TUBA8: variants seen among roughly 807,000 people sequenced by gnomAD.
The protein encoded by TUBA8 is tubulin alpha-8 chain.
A neutral mutation model predicts 34.7 loss-of-function variants in TUBA8; 29 were observed. The ratio of observed to expected loss-of-function variants is 0.84; its 90% confidence interval spans 0.62 to 1.14. TUBA8 has a LOEUF of 1.14. Ranked by LOEUF, TUBA8 falls within the 50% of genes most tolerant of loss-of-function variation. The pLI is 0.00. For synonymous variants in TUBA8, 226 were observed against 231.2 expected, an observed-to-expected ratio of 0.98 and a Z score of 0.21; for missense variants, 541 against 599.2, an observed-to-expected ratio of 0.90 and a Z score of 1.01.
Position 18,130,989 on chromosome 22 carries a change from G to A in TUBA8, c.1203G>A (p.Lys401=), listed in dbSNP as rs766975244. 6.2e-7 allele frequency: 1 copy of A among 1,614,094 alleles called. No homozygotes were observed. The highest frequency in any genetic ancestry group is 1.3e-5 in the African/African-American group (1 of 74,936). ...ACAAGTTCGACCTCATGTACGCCAA[G>A]CGGGCCTTTGTGCATTGGTATGTGG... ...LDHKFDLMYA[K]RAFVHWYVGE... Residue 401 remains lysine (K), a synonymous_variant, in exon 5 of 5, where the codon AAG becomes AAA. Coordinates refer to ENST00000330423, the MANE Select transcript of TUBA8 (RefSeq NM_018943.3).
Position 18,130,932 on chromosome 22 carries a change from G to C in TUBA8, c.1146G>C (p.Thr382=), listed in dbSNP as rs1466255305. The change falls in exon 5 of 5, where the codon ACG becomes ACC. Residue 382 remains threonine (T), a synonymous_variant. Coordinates refer to ENST00000330423, the MANE Select transcript of TUBA8 (RefSeq NM_018943.3). The part of the protein sequence containing the change: ...QRAVCMLSNT[T]AIAEAWARLD... The stretch of plus-strand genomic sequence containing the variant: ...CCGTCTGCATGCTCAGCAACACCAC[G>C]GCCATTGCGGAGGCCTGGGCCCGCC... 1 of 1,614,168 alleles carries C rather than the reference G, an allele frequency of 6.2e-7. No homozygotes were observed. The highest frequency in any genetic ancestry group is 8.5e-7 in the Non-Finnish European group (1 of 1,180,034).
In TUBA8 at chr22:18,131,219, C is replaced by T. The variant is rs1426557822; in HGVS notation, c.*83C>T. On this transcript the variant is annotated 3_prime_UTR_variant, in exon 5 of 5. Transcript: ENST00000330423. This position sits in a 1 kb window ranked among gnomAD's most constrained non-coding sequence, Gnocchi z 5.3. ...TGTTCAAGAGAACAGAACACTCTCC[C>T]CGCCCCAGCCTGATTCCTGCCTTAC... 2.7e-6 allele frequency: 4 copies of T among 1,462,764 alleles called. No homozygotes were observed. 90.6% of individuals were successfully genotyped at this position (1,462,764 alleles called of 1,614,324 possible). A position where few individuals can be genotyped will look rare whatever the true frequency, so the allele number is the denominator to read the frequency against.
intron 2 of TUBA8, chr22:18,122,067 G>A (rs948694013): frequency 2.0e-5 from 5 of 251,476 alleles, no homozygotes; most frequent in South Asian, 5.6e-5. Flanking sequence ...GTCTGCCCTC[G>A]GGGTGGGTAT....
At chr22:18,116,525 G>A (rs932050923) in intron 1 of TUBA8, 2 of 152,340 alleles carry the variant, frequency 1.3e-5, no homozygotes, top group Non-Finnish European at 2.9e-5. Flanking sequence ...AATCATATTA[G>A]GTGATCCATG....
chr22:18,112,131 C>T (rs1927831921), intron 1 of TUBA8: 1 of 152,194 alleles, frequency 6.6e-6, no homozygotes, highest in African/African-American at 2.4e-5. Context: ...AGCTGTGTGA[C>T]TTCAGGAAGG....
In TUBA8 at chr22:18,131,234, T is replaced by C; in HGVS notation, c.*98T>C. 1.4e-6 allele frequency: 2 copies of C among 1,385,070 alleles called. No individual in the cohort carries two copies. Among genetic ancestry groups the C allele is most frequent in the Middle Eastern group, 2.5e-4 (1 of 4,036 alleles). 85.8% of individuals were successfully genotyped at this position (1,385,070 alleles called of 1,614,324 possible). Reference sequence around the variant, plus strand: ...AACACTCTCCCCGCCCCAGCCTGATTCCTGCCTTACCCAGGAGGAGGGTGC... The same window carrying C: ...AACACTCTCCCCGCCCCAGCCTGATCCCTGCCTTACCCAGGAGGAGGGTGC... On this transcript the variant is annotated 3_prime_UTR_variant, in exon 5 of 5. Coordinates refer to ENST00000330423, the MANE Select transcript of TUBA8 (RefSeq NM_018943.3). The surrounding 1 kb of genome is among the most constrained non-coding windows in gnomAD (Gnocchi z 5.3).
Position 18,111,177 on chromosome 22 carries a change from C to G in TUBA8, c.3+309C>G. The G allele has an allele frequency of 1.8e-6, 1 of 545,618 alleles. No individual in the cohort carries two copies. The highest frequency in any genetic ancestry group is 3.3e-6 in the Non-Finnish European group (1 of 305,576). The allele number at this position is 545,618 out of a possible 1,614,324, so 33.8% of individuals were successfully genotyped here. On this transcript the variant is annotated intron_variant, in intron 1 of 4. Coordinates refer to ENST00000330423, the MANE Select transcript of TUBA8 (RefSeq NM_018943.3). The surrounding 1 kb of genome is among the most constrained non-coding windows in gnomAD (Gnocchi z 5.1). The stretch of plus-strand genomic sequence containing the variant: ...AGAAGGGGGCGAGATTCTGGGGTCC[C>G]CAGATGGGCAGCCTGTGGACAGAGT...
At chr22:18,122,418 C>A (rs1199777054) in intron 2 of TUBA8, 1 of 152,458 alleles carries the variant, frequency 6.6e-6, no homozygotes, top group Non-Finnish European at 1.5e-5. Flanking sequence ...TGCTCCACCC[C>A]CTGGATGCTT....
Position 18,124,423 on chromosome 22 carries a change from A to C in TUBA8, c.375+119A>C. The C allele has an allele frequency of 8.1e-7, 1 of 1,238,430 alleles. No homozygotes were observed. Among genetic ancestry groups the C allele is most frequent in the Non-Finnish European group, 1.1e-6 (1 of 910,724 alleles). The allele number at this position is 1,238,430 out of a possible 1,614,324, so 76.7% of individuals were successfully genotyped here. A position where few individuals can be genotyped will look rare whatever the true frequency, so the allele number is the denominator to read the frequency against. On this transcript the variant is annotated intron_variant, in intron 3 of 4. Coordinates refer to ENST00000330423, the MANE Select transcript of TUBA8 (RefSeq NM_018943.3). This position sits in a 1 kb window ranked among gnomAD's most constrained non-coding sequence, Gnocchi z 4.3. ...CCCCTGGCTATAGGATGGAGCTCCT[A>C]AGGTTTGGGAATTTCTGCTTAAATT... is the stretch of plus-strand genomic sequence containing the variant.
At position 18,131,206 on chromosome 22, in the gene TUBA8, C is replaced by G; in HGVS notation, c.*70C>G. 1 of 1,521,972 alleles carries G rather than the reference C, an allele frequency of 6.6e-7. No individual in the cohort carries two copies. Among genetic ancestry groups the G allele is most frequent in the Non-Finnish European group, 9.1e-7 (1 of 1,101,284 alleles). The allele number at this position is 1,521,972 out of a possible 1,614,324, so 94.3% of individuals were successfully genotyped here. A position where few individuals can be genotyped will look rare whatever the true frequency, so the allele number is the denominator to read the frequency against. ...CATTCAAAGCACATGTTCAAGAGAA[C>G]AGAACACTCTCCCCGCCCCAGCCTG... is the stretch of plus-strand genomic sequence containing the variant. On this transcript the variant is annotated 3_prime_UTR_variant, in exon 5 of 5. Coordinates refer to ENST00000330423, the MANE Select transcript of TUBA8 (RefSeq NM_018943.3). The surrounding 1 kb of genome is among the most constrained non-coding windows in gnomAD (Gnocchi z 5.3).
At chr22:18,117,351 C>T (rs568235014) in intron 1 of TUBA8, 8 of 152,444 alleles carry the variant, frequency 5.2e-5, no homozygotes, top group African/African-American at 1.9e-4. Context: ...GTTTATTTGT[C>T]CCCCAAATAT....
rs748797090 is a variant in TUBA8 at position 18,126,768 on chromosome 22, C to G, written c.790C>G (p.Arg264Gly). 6.2e-7 allele frequency: 1 copy of G among 1,614,134 alleles called. No individual in the cohort carries two copies. Among genetic ancestry groups the G allele is most frequent in the Admixed American group, 1.7e-5 (1 of 60,014 alleles). ...EFQTNLVPYPRIHFPLVTYAP... is the reference protein window; with the variant it reads ...EFQTNLVPYPGIHFPLVTYAP... Reference sequence around the variant, plus strand: ...CCAGACCAACCTGGTGCCCTACCCCCGCATCCACTTCCCGCTGGTCACCTA... The same window carrying G: ...CCAGACCAACCTGGTGCCCTACCCCGGCATCCACTTCCCGCTGGTCACCTA... The change falls in exon 4 of 5, where the codon CGC (arginine) becomes GGC (glycine). Residue 264 changes from arginine to glycine, a missense_variant. By Grantham distance (125) the Arg-to-Gly change is moderately radical. Transcript: ENST00000330423. This position sits in a 1 kb window ranked among gnomAD's most constrained non-coding sequence, Gnocchi z 4.0.
chr22:18,113,570 C>T (rs1013501819), intron 1 of TUBA8: 3 of 152,196 alleles, frequency 2.0e-5, no homozygotes, highest in Non-Finnish European at 2.9e-5. Flanking sequence ...CGAAGGAGCC[C>T]GTCTCCCTGC....
intron 1 of TUBA8, chr22:18,113,370 A>G (rs1927868730): frequency 6.6e-6 from 1 of 152,230 alleles, no homozygotes; most frequent in Admixed American, 6.5e-5. Context: ...GTGTTCTAGC[A>G]CGCAGCTCTC....
Position 18,130,955 on chromosome 22 carries a change from G to A in TUBA8, c.1169G>A (p.Arg390His), listed in dbSNP as rs367845500. 1.4e-5 allele frequency: 23 copies of A among 1,614,102 alleles called. No homozygotes were observed. Among genetic ancestry groups the A allele is most frequent in the African/African-American group, 2.7e-5 (2 of 75,024 alleles). ...ACGGCCATTGCGGAGGCCTGGGCCC[G>A]CCTCGACCACAAGTTCGACCTCATG... is the stretch of plus-strand genomic sequence containing the variant. Reference protein sequence around the residue: ...NTTAIAEAWARLDHKFDLMYA... With the variant: ...NTTAIAEAWAHLDHKFDLMYA... Residue 390 changes from arginine (R) to histidine (H), a missense_variant, in exon 5 of 5, where the codon CGC (arginine) becomes CAC (histidine). Arg to His is a conservative substitution (Grantham distance 29). Transcript: ENST00000330423.
At chr22:18,125,126 CAACGT>C (rs1928271927) in intron 3 of TUBA8, 1 of 152,228 alleles carries the variant, frequency 6.6e-6, no homozygotes, top group African/African-American at 2.4e-5. Context: ...TCCGTGCTTA[CAACGT>C]ATCAGGCCCT....
At position 18,130,710 on chromosome 22, in the gene TUBA8, T is replaced by A. The variant is rs1382858423; in HGVS notation, c.1057-133T>A. ...CCCCAGTCCCATCCCGCCTGTTGCA[T>A]CCCATAGCCCCACTCCCACGCCCCT... On this transcript the variant is annotated intron_variant, in intron 4 of 4. Transcript: ENST00000330423. 2.6e-6 allele frequency: 3 copies of A among 1,174,548 alleles called. No individual in the cohort carries two copies. In the African/African-American group the frequency reaches 5.3e-5, roughly 21 times the overall value. The allele number at this position is 1,174,548 out of a possible 1,614,324, so 72.8% of individuals were successfully genotyped here. A position where few individuals can be genotyped will look rare whatever the true frequency, so the allele number is the denominator to read the frequency against.
Position 18,131,046 on chromosome 22 carries a change from G to C in TUBA8, c.1260G>C (p.Glu420Asp). 6.2e-7 allele frequency: 1 copy of C among 1,614,236 alleles called. No individual in the cohort carries two copies. Among genetic ancestry groups the C allele is most frequent in the East Asian group, 2.2e-5 (1 of 44,884 alleles). The part of the protein sequence containing the change: ...GEGMEEGEFS[E>D]AREDLAALEK... ...GGATGGAAGAAGGAGAATTTTCTGA[G>C]GCCAGGGAAGACTTAGCTGCCCTGG... The change falls in exon 5 of 5, where the codon GAG (glutamate) becomes GAC (aspartate). Residue 420 changes from glutamate (E) to aspartate (D), a missense_variant. Physicochemically the swap from Glu to Asp is conservative, Grantham distance 45. Coordinates refer to ENST00000330423, the MANE Select transcript of TUBA8 (RefSeq NM_018943.3). The surrounding 1 kb of genome is among the most constrained non-coding windows in gnomAD (Gnocchi z 5.3).
In TUBA8 at chr22:18,126,941, C is replaced by T. The variant is rs376793344; in HGVS notation, c.963C>T (p.Gly321=). ...KYMACCMLYR[G]DVVPKDVNVA... Reference sequence around the variant, plus strand: ...TGGCCTGCTGCATGCTCTACCGGGGCGACGTGGTGCCCAAGGATGTGAATG... The same window carrying T: ...TGGCCTGCTGCATGCTCTACCGGGGTGACGTGGTGCCCAAGGATGTGAATG... The change falls in exon 4 of 5, where the codon GGC becomes GGT. Residue 321 remains glycine, a synonymous_variant. Coordinates refer to ENST00000330423, the MANE Select transcript of TUBA8 (RefSeq NM_018943.3). This position sits in a 1 kb window ranked among gnomAD's most constrained non-coding sequence, Gnocchi z 4.0. 2.5e-5 allele frequency: 41 copies of T among 1,612,852 alleles called. No individual in the cohort carries two copies. The African/African-American group carries it at 4.1e-4, about 16-fold the overall frequency.
Sources: gnomAD v4.1 joint callset for allele counts on GRCh38, gnomAD v4.1.1 for gene constraint, Gnocchi (gnomAD v3.1) non-coding constraint, MANE v1.5 for transcripts, NCBI Gene and HGNC (gene_info 2026-07-23, HGNC 2026-07-21) for gene names.